Variants in RBFOX3 observed in about 807,000 individuals in gnomAD.
The protein encoded by RBFOX3 is RNA binding protein fox-1 homolog 3.
In RBFOX3, 17 loss-of-function variants were observed where a neutral mutation model predicts 48.7. The ratio of observed to expected loss-of-function variants is 0.35; its 90% confidence interval spans 0.24 to 0.52. The LOEUF (loss-of-function observed/expected upper bound fraction) is 0.52. Ranked by LOEUF, RBFOX3 falls within the 20% of genes least tolerant of loss-of-function variation. The probability of loss-of-function intolerance (pLI) is 0.94; values close to 1 mark genes in which losing one functional copy is unlikely to be tolerated. For synonymous variants in RBFOX3, 212 were observed against 209.5 expected (o/e 1.01, Z -0.10); for missense variants, 382 against 497.5 (o/e 0.77, Z 2.21).
chr17:79,628,697 C>T, the RBFOX3 span, among the ~76,000 whole-genome samples: 1 of 152,226 alleles, frequency 6.6e-6, no homozygotes, highest in African/African-American at 2.4e-5. Flanking sequence ...CATGAGGCAG[C>T]AATTCCCTGT....
intron 4 of RBFOX3, among the ~76,000 whole-genome samples, chr17:79,141,912 T>C (rs1374732701): frequency 6.6e-6 from 1 of 152,172 alleles, no homozygotes; most frequent in Non-Finnish European, 1.5e-5. Flanking sequence ...TGGCCTCCCC[T>C]ACCTGACCTC....
chr17:79,144,187 C>T lies in RBFOX3; in HGVS notation c.-33-28439G>A, dbSNP rs539724328. 1.3e-3 allele frequency among the ~76,000 whole-genome samples: 196 copies of T among 152,306 alleles called. 1 individual carries two copies. Among genetic ancestry groups the T allele is most frequent in the African/African-American group, 4.5e-3 (186 of 41,588 alleles). On this transcript the variant is annotated intron_variant, in intron 4 of 14. Transcript: ENST00000693108. ...GGGCCTGCCTCCCCCTGCCTCTGAG[C>T]CAGGCCAGGCCCTCCAAGCCGTCCT...
chr17:79,556,110 G>A (rs2091735549), intron 1 of RBFOX3, among the ~76,000 whole-genome samples: 1 of 152,158 alleles, frequency 6.6e-6, no homozygotes, highest in African/African-American at 2.4e-5. Flanking sequence ...CCACTTTACA[G>A]ACGGGGAAGC....
At chr17:79,445,984 A>G (rs1288816712) in intron 2 of RBFOX3, among the ~76,000 whole-genome samples, 1 of 152,222 alleles carries the variant, frequency 6.6e-6, no homozygotes, top group Non-Finnish European at 1.5e-5. Context: ...TGATGCTGGC[A>G]CATGGCGAGC....
the RBFOX3 span, among the ~76,000 whole-genome samples, chr17:79,616,538 G>GAAA: frequency 9.8e-6 from 1 of 102,558 alleles, no homozygotes; most frequent in Admixed American, 1.0e-4. Context: ...TCCATCTCAA[G>GAAA]AAAAAAAAAA....
chr17:79,531,477 T>C (rs978799263), intron 1 of RBFOX3, among the ~76,000 whole-genome samples: 10 of 152,236 alleles, frequency 6.6e-5, no homozygotes, highest in Admixed American at 6.5e-5. Flanking sequence ...GAACGCGTGA[T>C]GGCTGGCTGC....
chr17:79,518,246 G>T (rs1259032618), intron 1 of RBFOX3, among the ~76,000 whole-genome samples: 1 of 152,206 alleles, frequency 6.6e-6, no homozygotes, highest in East Asian at 1.9e-4. Context: ...GTGTTAGAGA[G>T]GACTATTATG....
intron 3 of RBFOX3, among the ~76,000 whole-genome samples, chr17:79,304,614 C>T (rs1363071674): frequency 6.6e-6 from 1 of 151,776 alleles, no homozygotes; most frequent in Non-Finnish European, 1.5e-5. Flanking sequence ...CTGTATTTTC[C>T]ACAAAAACAT....
At chr17:79,624,944 T>C in the RBFOX3 span, among the ~76,000 whole-genome samples, 1 of 151,840 alleles carries the variant, frequency 6.6e-6, no homozygotes, top group South Asian at 2.1e-4. Context: ...TCCTGCCCTG[T>C]GTACTCAGAG....
chr17:79,421,658 G>A lies in RBFOX3; in HGVS notation c.-175+60796C>T, dbSNP rs1555722416. Among the ~76,000 whole-genome samples the A allele has an allele frequency of 2.6e-5, 4 of 152,094 alleles. No homozygotes were observed. Among genetic ancestry groups the A allele is most frequent in the African/African-American group, 7.2e-5 (3 of 41,408 alleles). On this transcript the variant is annotated intron_variant, in intron 2 of 14. Coordinates refer to ENST00000693108, the MANE Select transcript of RBFOX3 (RefSeq NM_001350451.2). This position sits in a 1 kb window ranked among gnomAD's most constrained non-coding sequence, Gnocchi z 4.5. ...GCATGCGGGACCCCAGGGGCACACC[G>A]AACGCGGTCACCATAGGACCAAACA...
rs1195918168 is a variant in RBFOX3, at chr17:79,598,558, T to C, written c.-320+12268A>G. ...GTTGGAAAATCACATCCCATGGTCC[T>C]GGAAGATCCCTACCTTCTCCAGCTC... On this transcript the variant is annotated intron_variant, in intron 1 of 14. Coordinates refer to ENST00000693108, the MANE Select transcript of RBFOX3 (RefSeq NM_001350451.2). The C allele has an allele frequency of 3.3e-5, 5 of 152,140 alleles. No individual in the cohort carries two copies. The East Asian group carries it at 9.7e-4, about 29-fold the overall frequency. 9.4% of individuals were successfully genotyped at this position (152,140 alleles called of 1,614,324 possible). A position where few individuals can be genotyped will look rare whatever the true frequency, so the allele number is the denominator to read the frequency against.
chr17:79,222,207 C>A (rs1600091713), intron 4 of RBFOX3, among the ~76,000 whole-genome samples: 1 of 152,178 alleles, frequency 6.6e-6, no homozygotes, highest in South Asian at 2.1e-4. Flanking sequence ...CTACCGGCAG[C>A]CTGATTTCTA....
intron 1 of RBFOX3, among the ~76,000 whole-genome samples, chr17:79,490,594 T>C (rs1420145897): frequency 6.6e-6 from 1 of 152,130 alleles, no homozygotes; most frequent in East Asian, 1.9e-4. Flanking sequence ...AGCAACTCAT[T>C]TAGTTTCCAG....
chr17:79,560,984 C>A (rs1489950282), intron 1 of RBFOX3, among the ~76,000 whole-genome samples: 1 of 152,200 alleles, frequency 6.6e-6, no homozygotes, highest in Non-Finnish European at 1.5e-5. Flanking sequence ...TGGACCCCAG[C>A]CAACTCTATG....
chr17:79,172,745 G>A (rs931115886), intron 4 of RBFOX3, among the ~76,000 whole-genome samples: 2 of 151,926 alleles, frequency 1.3e-5, no homozygotes, highest in Non-Finnish European at 2.9e-5. Flanking sequence ...GAGATATTCT[G>A]TTTGTGTAAA....
rs1201119935 is a variant in RBFOX3, at chr17:79,509,283, T to C, written c.-319-26685A>G. Reference sequence around the variant, plus strand: ...GCCGGTGTTTCAGCGTGGGTGGCTGTCTCTCTCTAGGACGCTGGAGCTACG... The same window carrying C: ...GCCGGTGTTTCAGCGTGGGTGGCTGCCTCTCTCTAGGACGCTGGAGCTACG... On this transcript the variant is annotated intron_variant, in intron 1 of 14. Transcript: ENST00000693108. Among the ~76,000 whole-genome samples the C allele has an allele frequency of 7.2e-5, 11 of 151,992 alleles. 1 individual carries two copies. Among genetic ancestry groups the C allele is most frequent in the Admixed American group, 6.5e-4 (10 of 15,270 alleles).
In RBFOX3 at chr17:79,094,549, G is replaced by GA; in HGVS notation, c.999-21_999-20insT. On this transcript the variant is annotated intron_variant, in intron 13 of 14. Transcript: ENST00000693108. ...CCGTAACTAGGGAAGAGCGTGGGAG[G>GA]GGGAGTGGGAGGAGGGTGGGGGAGG... is the stretch of plus-strand genomic sequence containing the variant. 9.5e-7 allele frequency: 1 copy of GA among 1,049,786 alleles called. No individual in the cohort carries two copies. Among genetic ancestry groups the GA allele is most frequent in the Non-Finnish European group, 1.3e-6 (1 of 771,954 alleles). The allele number at this position is 1,049,786 out of a possible 1,614,324, so 65.0% of individuals were successfully genotyped here. A position where few individuals can be genotyped will look rare whatever the true frequency, so the allele number is the denominator to read the frequency against.
chr17:79,438,524 G>A (rs1444951127), intron 2 of RBFOX3, among the ~76,000 whole-genome samples: 1 of 152,216 alleles, frequency 6.6e-6, no homozygotes, highest in African/African-American at 2.4e-5. Context: ...CCTGGATCTT[G>A]AACATTCGCC....
chr17:79,155,619 T>C (rs1431502430), intron 4 of RBFOX3, among the ~76,000 whole-genome samples: 1 of 151,294 alleles, frequency 6.6e-6, no homozygotes, highest in Non-Finnish European at 1.5e-5. Context: ...GAAGACGAAG[T>C]GGGTGGGGAG....
Sources: allele counts gnomAD v4.1 joint callset (sites outside exome capture counted in the v4.1 genomes callset), GRCh38; gene constraint gnomAD v4.1.1; non-coding constraint Gnocchi (gnomAD v3.1); transcripts MANE v1.5; gene names NCBI Gene and HGNC (gene_info 2026-07-23, HGNC 2026-07-21).